The following DNAH17 variants were observed in gnomAD, a reference collection of about 807,000 sequenced individuals.
The protein encoded by DNAH17 is axonemal beta dynein heavy chain 17.
In DNAH17, 376 loss-of-function variants were observed where a neutral mutation model predicts 485.6. That is an observed-to-expected ratio of 0.77 (90% CI 0.71 to 0.84). The LOEUF (loss-of-function observed/expected upper bound fraction) is 0.84, where lower values mean the gene tolerates loss of function less well. DNAH17 is among the 40% of genes least tolerant of loss of function. The probability of loss-of-function intolerance (pLI) is 0.00; values close to 1 mark genes in which losing one functional copy is unlikely to be tolerated. For missense variants in DNAH17, 6,370 were observed against 5,839.3 expected (o/e 1.09, Z -2.96); for synonymous variants, 3,031 against 2,405.9 (o/e 1.26, Z -7.60).
At chr17:78,441,371 G>A (rs907769249) in intron 71 of DNAH17, among the ~76,000 whole-genome samples, 172 bp from the exon 72 acceptor site, 11 of 152,132 alleles carry the variant, frequency 7.2e-5, no homozygotes, top group African/African-American at 2.7e-4. Context: ...TTTCTGCGAG[G>A]GATTGGCCTT....
Position 78,514,108 on chromosome 17 carries a change from C to T in DNAH17, c.4113+666G>A, listed in dbSNP as rs2143117082. Among the ~76,000 whole-genome samples, 3 of 152,212 alleles carry T rather than the reference C, an allele frequency of 2.0e-5. No homozygotes were observed. The East Asian group carries it at 5.8e-4, about 29-fold the overall frequency. On this transcript the variant is annotated intron_variant, in intron 26 of 80. Transcript: ENST00000389840. ...GGACCCTAGCGAAGCTGTTCATTTG[C>T]CCCAAACTTCCTGAGCCTTATGAAC...
At chr17:78,501,624 C>G in intron 34 of DNAH17, 118 bp downstream of exon 34, 3 of 1,422,862 alleles carry the variant, frequency 2.1e-6, no homozygotes, top group Non-Finnish European at 1.9e-6. Context: ...CTGCAGCCAG[C>G]AACAGAGTCA....
At chr17:78,549,283 C>G (rs540074678) in intron 16 of DNAH17, among the ~76,000 whole-genome samples, 20 of 152,128 alleles carry the variant, frequency 1.3e-4, no homozygotes, top group Non-Finnish European at 2.9e-4. Context: ...ACCAGAGCAA[C>G]CTCTCTCTAC....
chr17:78,486,198 G>T (rs780531902), intron 45 of DNAH17, 26 bp downstream of exon 45: 29 of 1,588,474 alleles, frequency 1.8e-5, no homozygotes, highest in Non-Finnish European at 2.5e-5. Context: ...CCCTGTGTGG[G>T]TGGCCGGGCC....
At position 78,558,386 on chromosome 17, in the gene DNAH17, A is replaced by T. The variant is rs1275330528; in HGVS notation, c.2032-132T>A. 3.5e-6 allele frequency: 4 copies of T among 1,152,874 alleles called. No homozygotes were observed. The African/African-American group carries it at 6.2e-5, about 18-fold the overall frequency. 71.4% of individuals were successfully genotyped at this position (1,152,874 alleles called of 1,614,324 possible). On this transcript the variant is annotated intron_variant, in intron 13 of 80. Transcript: ENST00000389840. ...GGGGATCTCAAAGTTGGTGGGAGGC[A>T]GTATTTGTTGGCAGGACCAGGACGT...
intron 62 of DNAH17, among the ~76,000 whole-genome samples, chr17:78,456,581 G>C (rs1335824126): frequency 6.6e-6 from 1 of 152,174 alleles, no homozygotes; most frequent in Non-Finnish European, 1.5e-5. Context: ...GCATGGAATG[G>C]GGACTCCACG....
intron 9 of DNAH17, among the ~76,000 whole-genome samples, chr17:78,568,013 T>C (rs113617472): frequency 0.021 from 3,212 of 152,200 alleles, 93 homozygotes; most frequent in African/African-American, 0.062. Flanking sequence ...CCACGAAGCA[T>C]CAGGCCACGC....
intron 79 of DNAH17, 97 bp from the exon 80 acceptor site, chr17:78,425,668 TC>T: frequency 9.2e-7 from 1 of 1,089,680 alleles, no homozygotes. Flanking sequence ...GCCAGAACCT[TC>T]CACGGGCCAC....
rs779900554 is a variant in DNAH17, at chr17:78,486,033, G to C, written c.7202C>G (p.Pro2401Arg). ...QGTIFDYYID[P>R]DTKKFLPWTD... ...CCAGGGCAGGAACTTTTTTGTGTCAGGATCAATGTAGTAGTCAAAAATCGT... is the reference window on the plus strand; with the variant it reads ...CCAGGGCAGGAACTTTTTTGTGTCACGATCAATGTAGTAGTCAAAAATCGT... The change falls in exon 46 of 81, where the codon CCT (proline) becomes CGT (arginine). Residue 2401 changes from proline (P) to arginine (R), a missense_variant. By Grantham distance (103) the Pro-to-Arg change is moderately radical. Coordinates refer to ENST00000389840, the MANE Select transcript of DNAH17 (RefSeq NM_173628.4). 6.2e-7 allele frequency: 1 copy of C among 1,613,954 alleles called. No homozygotes were observed. The highest frequency in any genetic ancestry group is 1.1e-5 in the South Asian group (1 of 91,072).
chr17:78,536,797 A>G (rs1479398982), intron 19 of DNAH17, among the ~76,000 whole-genome samples: 1 of 152,096 alleles, frequency 6.6e-6, no homozygotes, highest in East Asian at 1.9e-4. Context: ...GTTGACTGAG[A>G]AGAAGCTGCT....
chr17:78,478,763 A>G (rs1156376454), intron 51 of DNAH17: 1 of 443,024 alleles, frequency 2.3e-6, no homozygotes, highest in Non-Finnish European at 4.0e-6. Flanking sequence ...CATCACTATC[A>G]TCATCACATC....
At chr17:78,450,108 C>T in intron 68 of DNAH17, 146 bp downstream of exon 68, 2 of 982,288 alleles carry the variant, frequency 2.0e-6, no homozygotes, top group Non-Finnish European at 3.0e-6. Flanking sequence ...CCCCCTCTTC[C>T]AGCTCCATCT....
At chr17:78,553,965 T>C (rs541744765) in intron 14 of DNAH17, among the ~76,000 whole-genome samples, 64 of 151,966 alleles carry the variant, frequency 4.2e-4, no homozygotes, top group African/African-American at 1.5e-3. Flanking sequence ...GCTCAAAATC[T>C]TTTTTTTAAT....
Position 78,498,998 on chromosome 17 carries a change from G to C in DNAH17, c.5745+10C>G, listed in dbSNP as rs779625536. ...GACGTGACCCCGAGGCCGCAGGCAG[G>C]GGACTTTACCTGCACGGCAATCACA... On this transcript the variant is annotated intron_variant, in intron 37 of 80. Transcript: ENST00000389840. 5.6e-6 allele frequency: 9 copies of C among 1,599,264 alleles called. No individual in the cohort carries two copies. The South Asian group carries it at 9.0e-5, about 16-fold the overall frequency.
intron 31 of DNAH17, among the ~76,000 whole-genome samples, chr17:78,503,413 C>A (rs2090374211): frequency 6.6e-6 from 1 of 150,730 alleles, no homozygotes; most frequent in African/African-American, 2.4e-5. Flanking sequence ...TCTCGATCTC[C>A]TGACCTCATG....
At chr17:78,455,364 C>T (rs1030905891) in intron 63 of DNAH17, among the ~76,000 whole-genome samples, 3 of 151,602 alleles carry the variant, frequency 2.0e-5, no homozygotes, top group Non-Finnish European at 2.9e-5. Context: ...CTCGCTGTGT[C>T]GTCCAGGTTG....
At chr17:78,475,146 C>G in intron 54 of DNAH17, 132 bp downstream of exon 54, 1 of 1,062,536 alleles carries the variant, frequency 9.4e-7, no homozygotes, top group Non-Finnish European at 1.4e-6. Flanking sequence ...GATAAAGACC[C>G]TTTGGATAAG....
intron 27 of DNAH17, 40 bp downstream of exon 27, chr17:78,510,344 G>T: frequency 6.2e-7 from 1 of 1,603,140 alleles, no homozygotes; most frequent in Non-Finnish European, 8.5e-7. Flanking sequence ...GTTTCAGGCT[G>T]ATCCCACGTT....
chr17:78,478,298 CCATCACCACAATCA>C (rs963014236), intron 51 of DNAH17, among the ~76,000 whole-genome samples: 4 of 148,778 alleles, frequency 2.7e-5, no homozygotes, highest in African/African-American at 1.0e-4. Flanking sequence ...ATCTCCACCA[CCATCACCACAATCA>C]CATCACCACC....
Sources: gnomAD v4.1 joint callset for allele counts (sites outside exome capture counted in the v4.1 genomes callset) on GRCh38, gnomAD v4.1.1 for gene constraint, MANE v1.5 for transcripts, NCBI Gene and HGNC (gene_info 2026-07-23, HGNC 2026-07-21) for gene names.